Variants in SEMA6D observed in about 807,000 individuals in gnomAD.
SEMA6D encodes the protein semaphorin-6D.
A neutral mutation model predicts 106.6 loss-of-function variants in SEMA6D; 35 were observed. The ratio of observed to expected loss-of-function variants is 0.33; its 90% confidence interval spans 0.25 to 0.44. The LOEUF is 0.44. SEMA6D is among the 20% of genes least tolerant of loss of function. SEMA6D has a pLI of 1.00. For missense variants in SEMA6D, 1,185 were observed against 1,345.9 expected, an observed-to-expected ratio of 0.88 and a Z score of 1.87; for synonymous variants, 499 against 487.7, an observed-to-expected ratio of 1.02 and a Z score of -0.31.
intron 1 of SEMA6D, among the ~76,000 whole-genome samples, chr15:47,409,905 G>T (rs537861571): frequency 5.8e-4 from 88 of 152,160 alleles, no homozygotes; most frequent in African/African-American, 1.7e-3. Flanking sequence ...GTTGTGGGGG[G>T]GGTGGGGAGG....
intron 1 of SEMA6D, chr15:47,719,003 T>C (rs1396872377): frequency 6.6e-6 from 1 of 152,250 alleles, no homozygotes; most frequent in African/African-American, 2.4e-5. Context: ...GTGTAATTCT[T>C]GGATTGAAAT....
At chr15:47,577,905 T>A (rs1379772037) in intron 3 of SEMA6D, among the ~76,000 whole-genome samples, 1 of 152,248 alleles carries the variant, frequency 6.6e-6, no homozygotes, top group Non-Finnish European at 1.5e-5. Flanking sequence ...TTTCAAAATA[T>A]GCATGTGGAA....
chr15:47,661,252 T>C (rs2077912139), intron 4 of SEMA6D, among the ~76,000 whole-genome samples: 1 of 152,240 alleles, frequency 6.6e-6, no homozygotes, highest in Non-Finnish European at 1.5e-5. Context: ...GGTAGCCTGT[T>C]GTAAATGCCT....
chr15:47,260,699 C>T (rs1016242972), intron 1 of SEMA6D, among the ~76,000 whole-genome samples: 1 of 152,060 alleles, frequency 6.6e-6, no homozygotes, highest in African/African-American at 2.4e-5. Context: ...AAACGTCTGT[C>T]TTGCTTGTGT....
chr15:47,673,197 G>T (rs894354722), intron 4 of SEMA6D, among the ~76,000 whole-genome samples: 2 of 152,104 alleles, frequency 1.3e-5, no homozygotes, highest in African/African-American at 2.4e-5. Context: ...TAAATTATTT[G>T]CAAGAGTAAA....
chr15:47,202,599 C>T (rs895133585), intron 1 of SEMA6D, among the ~76,000 whole-genome samples: 63 of 152,286 alleles, frequency 4.1e-4, no homozygotes, highest in Non-Finnish European at 5.7e-4. Flanking sequence ...ACATATAAAA[C>T]CCCAAGTCAA....
At chr15:47,292,758 G>A (rs188961322) in intron 1 of SEMA6D, among the ~76,000 whole-genome samples, 1 of 152,292 alleles carries the variant, frequency 6.6e-6, no homozygotes, top group East Asian at 1.9e-4. Context: ...ATCCATCCCA[G>A]GGCCTGGGTA....
intron 1 of SEMA6D, among the ~76,000 whole-genome samples, chr15:47,357,332 A>G (rs937779988): frequency 6.6e-6 from 1 of 151,990 alleles, no homozygotes; most frequent in Non-Finnish European, 1.5e-5. Flanking sequence ...ACTCCATCTC[A>G]AAAAATAAAT....
intron 3 of SEMA6D, among the ~76,000 whole-genome samples, chr15:47,568,389 A>G (rs1596333328): frequency 6.6e-6 from 1 of 152,178 alleles, no homozygotes; most frequent in East Asian, 1.9e-4. Context: ...CAAGTGATGC[A>G]GTACTGTTAA....
chr15:47,308,306 G>T (rs566985196), intron 1 of SEMA6D, among the ~76,000 whole-genome samples: 2 of 152,186 alleles, frequency 1.3e-5, no homozygotes, highest in East Asian at 3.9e-4. Context: ...CCAGGCCTCA[G>T]TTTCCTTATA....
intron 1 of SEMA6D, among the ~76,000 whole-genome samples, chr15:47,277,531 A>G (rs1310757258): frequency 1.3e-5 from 2 of 151,706 alleles, no homozygotes; most frequent in Non-Finnish European, 2.9e-5. Flanking sequence ...GCAGACTCAG[A>G]TGGCCATTAG....
At chr15:47,347,907 A>G (rs1262521415) in intron 1 of SEMA6D, among the ~76,000 whole-genome samples, 1 of 152,124 alleles carries the variant, frequency 6.6e-6, no homozygotes, top group Non-Finnish European at 1.5e-5. Flanking sequence ...CTGTGGTTCT[A>G]TGGGGTCATT....
chr15:47,717,938 C>T (rs1273539880), intron 1 of SEMA6D, among the ~76,000 whole-genome samples: 1 of 151,394 alleles, frequency 6.6e-6, no homozygotes, highest in Non-Finnish European at 1.5e-5. Context: ...GTGCAAGGGA[C>T]GCGCAAAGGG....
chr15:47,771,019 T>A lies in SEMA6D; in HGVS notation c.2456T>A (p.Leu819Ter), dbSNP rs1368956102. The A allele has an allele frequency of 6.2e-7, 1 of 1,614,084 alleles. No homozygotes were observed. Among genetic ancestry groups the A allele is most frequent in the Admixed American group, 1.7e-5 (1 of 60,010 alleles). The change falls in exon 19 of 19, where the codon TTA becomes TAA. Residue 819 changes from leucine to a stop codon, truncating the protein, a stop_gained. Transcript: ENST00000536845. LOFTEE classifies it high-confidence loss of function. Reference sequence around the variant, plus strand: ...TCTAGTCCGCCACCTCATTCCCCATTAAGTCATGGGCATATCCCCAGTGCC... The same window carrying A: ...TCTAGTCCGCCACCTCATTCCCCATAAAGTCATGGGCATATCCCCAGTGCC... ...FPSSPPPHSP[L>*]SHGHIPSAIV...
chr15:47,627,489 T>C (rs1178581058), intron 4 of SEMA6D, among the ~76,000 whole-genome samples: 1 of 152,200 alleles, frequency 6.6e-6, no homozygotes, highest in Non-Finnish European at 1.5e-5. Flanking sequence ...TCACTGTTTC[T>C]TATCTGTAAA....
At chr15:47,262,151 G>T (rs529522405) in intron 1 of SEMA6D, among the ~76,000 whole-genome samples, 1 of 152,196 alleles carries the variant, frequency 6.6e-6, no homozygotes, top group East Asian at 1.9e-4. Flanking sequence ...TCTCTACGAG[G>T]AGAACGACAA....
At chr15:47,650,723 C>T (rs1238244206) in intron 4 of SEMA6D, among the ~76,000 whole-genome samples, 1 of 152,100 alleles carries the variant, frequency 6.6e-6, no homozygotes, top group Non-Finnish European at 1.5e-5. Context: ...AAGCAATTCA[C>T]GAAAACAACA....
chr15:47,679,749 A>G (rs2078313434), intron 4 of SEMA6D, among the ~76,000 whole-genome samples: 1 of 152,226 alleles, frequency 6.6e-6, no homozygotes, highest in Admixed American at 6.5e-5. Flanking sequence ...AATAAGCACA[A>G]TGCCCATCAG....
intron 1 of SEMA6D, among the ~76,000 whole-genome samples, chr15:47,401,754 A>C (rs2146000536): frequency 6.6e-6 from 1 of 152,288 alleles, no homozygotes; most frequent in Admixed American, 6.5e-5. Flanking sequence ...AAGTCGCTAC[A>C]CGTCCTATAA....
Sources: gnomAD v4.1 joint callset for allele counts (sites outside exome capture counted in the v4.1 genomes callset) on GRCh38, gnomAD v4.1.1 for gene constraint, MANE v1.5 for transcripts, NCBI Gene and HGNC (gene_info 2026-07-23, HGNC 2026-07-21) for gene names.